The following PSMA6 variants were observed in gnomAD, a reference collection of about 807,000 sequenced individuals.
The protein encoded by PSMA6 is proteasome subunit alpha type-6.
For synonymous variants in PSMA6, 88 were observed against 97.7 expected, an observed-to-expected ratio of 0.90 and a Z score of 0.59; for missense variants, 170 against 294.8, an observed-to-expected ratio of 0.58 and a Z score of 3.10.
In PSMA6 at chr14:35,312,893, T is replaced by C. The variant is rs774976342; in HGVS notation, c.422T>C (p.Ile141Thr). The change falls in exon 5 of 7, where the codon ATT becomes ACT. Residue 141 changes from isoleucine to threonine, a missense_variant. By Grantham distance (89) the Ile-to-Thr change is moderately conservative. Transcript: ENST00000261479. ...MRPLGCCMILIGIDEEQGPQV... is the reference protein window; with the variant it reads ...MRPLGCCMILTGIDEEQGPQV... ...TTTCTCTTTTTAGGTATGATTTTAA[T>C]TGGTATAGATGAAGAGCAAGGCCCT... The C allele has an allele frequency of 1.3e-6, 2 of 1,579,516 alleles. No individual in the cohort carries two copies. The highest frequency in any genetic ancestry group is 1.7e-6 in the Non-Finnish European group (2 of 1,168,382).
chr14:35,300,751 T>C (rs1219429303), intron 1 of PSMA6, among the ~76,000 whole-genome samples: 2 of 152,150 alleles, frequency 1.3e-5, no homozygotes, highest in Admixed American at 1.3e-4. Context: ...CTTTCCCCGC[T>C]CTTCTAGAGT....
intron 6 of PSMA6, chr14:35,316,080 A>T (rs1594397503): frequency 6.6e-6 from 1 of 152,324 alleles, no homozygotes; most frequent in East Asian, 1.9e-4. Context: ...CGAGGCAAAC[A>T]TCATTTAGAA....
intron 6 of PSMA6, chr14:35,314,685 C>G: frequency 6.1e-6 from 2 of 329,506 alleles, no homozygotes; most frequent in Non-Finnish European, 1.0e-5. Context: ...ATATCTAACA[C>G]CAGAGATGAC....
intron 1 of PSMA6, 102 bp from the exon 2 acceptor site, chr14:35,307,892 G>T (rs2051860899): frequency 9.3e-7 from 1 of 1,079,754 alleles, no homozygotes; most frequent in Non-Finnish European, 1.4e-6. Flanking sequence ...TGAGCATTCT[G>T]TGTTCATGTA....
intron 1 of PSMA6, among the ~76,000 whole-genome samples, chr14:35,279,318 A>T (rs1282900575): frequency 6.6e-6 from 1 of 152,172 alleles, no homozygotes; most frequent in Non-Finnish European, 1.5e-5. Flanking sequence ...AAGTGCTGGG[A>T]TTACAGGCAT....
At chr14:35,304,265 G>A (rs1274522662) in intron 1 of PSMA6, among the ~76,000 whole-genome samples, 2 of 151,760 alleles carry the variant, frequency 1.3e-5, no homozygotes, top group Admixed American at 6.6e-5. Context: ...CAGCCACCAC[G>A]CCTGGCCAAG....
chr14:35,311,162 T>C (rs1014758153), intron 4 of PSMA6: 7 of 296,108 alleles, frequency 2.4e-5, no homozygotes, highest in Non-Finnish European at 3.8e-5. Flanking sequence ...AAGTCCTCAT[T>C]ATTAGGATGT....
chr14:35,317,162 T>G (rs939753274), intron 6 of PSMA6, 87 bp from the exon 7 acceptor site: 9 of 947,400 alleles, frequency 9.5e-6, no homozygotes, highest in Non-Finnish European at 1.6e-5. Flanking sequence ...GATAGGTATA[T>G]GGGAGTTTAT....
At chr14:35,297,480 G>T (rs2051621024) in intron 1 of PSMA6, among the ~76,000 whole-genome samples, 1 of 152,112 alleles carries the variant, frequency 6.6e-6, no homozygotes, top group Non-Finnish European at 1.5e-5. Context: ...CTCCCAAAGT[G>T]CTGGGATTAC....
At chr14:35,280,125 C>A (rs575734840) in intron 1 of PSMA6, among the ~76,000 whole-genome samples, 2 of 143,418 alleles carry the variant, frequency 1.4e-5, no homozygotes, top group South Asian at 2.2e-4. Context: ...AGCAAGACTC[C>A]GTCTCAAAAA....
At chr14:35,296,125 A>G (rs2051581705) in intron 1 of PSMA6, among the ~76,000 whole-genome samples, 2 of 152,138 alleles carry the variant, frequency 1.3e-5, no homozygotes, top group Admixed American at 6.5e-5. Context: ...TAAAATGTAG[A>G]AGTGTCATTG....
intron 6 of PSMA6, chr14:35,316,839 C>G (rs2138764979): frequency 6.1e-6 from 1 of 164,738 alleles, no homozygotes; most frequent in African/African-American, 2.4e-5. Flanking sequence ...GCACTCCAGC[C>G]TGGGTGACAG....
chr14:35,314,343 T>C lies in PSMA6; in HGVS notation c.589-18T>C. On this transcript the variant is annotated intron_variant, in intron 5 of 6. Coordinates refer to ENST00000261479, the MANE Select transcript of PSMA6 (RefSeq NM_002791.3). ...CTCTAAAAAATACTATATTTTAACA[T>C]TAAATACTTTTTTTCAGACTGCAAT... The C allele has an allele frequency of 6.3e-7, 1 of 1,590,384 alleles. No homozygotes were observed. The highest frequency in any genetic ancestry group is 8.6e-7 in the Non-Finnish European group (1 of 1,166,606).
chr14:35,297,769 G>A (rs2051627035), intron 1 of PSMA6, among the ~76,000 whole-genome samples: 1 of 152,170 alleles, frequency 6.6e-6, no homozygotes, highest in Non-Finnish European at 1.5e-5. Flanking sequence ...CCTGAGCTGT[G>A]TACAGTGTGA....
chr14:35,309,127 G>A, intron 3 of PSMA6, 132 bp downstream of exon 3: 2 of 680,922 alleles, frequency 2.9e-6, no homozygotes, highest in South Asian at 4.1e-5. Context: ...TGGATTTGCA[G>A]TCTTCTAAGA....
upstream of PSMA6, among the ~76,000 whole-genome samples, chr14:35,287,545 T>A (rs566027638): frequency 6.6e-6 from 1 of 152,302 alleles, no homozygotes; most frequent in East Asian, 1.9e-4. Flanking sequence ...GAATCTACAC[T>A]GCCACTTTCT....
At chr14:35,309,763 T>G (rs1322982119) in intron 3 of PSMA6, among the ~76,000 whole-genome samples, 2 of 152,056 alleles carry the variant, frequency 1.3e-5, no homozygotes, top group Non-Finnish European at 2.9e-5. Context: ...ACTACTGCAC[T>G]CCAGCCTCGG....
At chr14:35,303,170 T>C (rs1432775723) in intron 1 of PSMA6, among the ~76,000 whole-genome samples, 1 of 152,180 alleles carries the variant, frequency 6.6e-6, no homozygotes, top group Non-Finnish European at 1.5e-5. Flanking sequence ...CTCCAAAGAG[T>C]ATTGACTTGT....
chr14:35,283,044 C>T (rs568153499), intron 1 of PSMA6, among the ~76,000 whole-genome samples: 1 of 152,104 alleles, frequency 6.6e-6, no homozygotes, highest in South Asian at 2.1e-4. Flanking sequence ...AGGGTTTCAC[C>T]ATGTTGGCCA....
Sources: allele counts gnomAD v4.1 joint callset (sites outside exome capture counted in the v4.1 genomes callset), GRCh38; gene constraint gnomAD v4.1.1; transcripts MANE v1.5; gene names NCBI Gene and HGNC (gene_info 2026-07-23, HGNC 2026-07-21).